The following EIF4E3 variants were observed in gnomAD, a reference collection of about 807,000 sequenced individuals.
EIF4E3 encodes eukaryotic translation initiation factor 4E family member 3.
EIF4E3 carries 26 observed loss-of-function variants against 31.7 expected under a neutral mutation model. That is an observed-to-expected ratio of 0.82 (90% confidence interval 0.60 to 1.14). EIF4E3 has a LOEUF of 1.14. Among genes scored for constraint, EIF4E3 ranks in the 50% most tolerant of loss-of-function variants. EIF4E3 has a pLI of 0.00. For synonymous variants in EIF4E3, 128 were observed against 107.7 expected (o/e 1.19, Z -1.17); for missense variants, 304 against 270.9 (o/e 1.12, Z -0.86).
At chr3:71,673,480 G>A (rs2048856672), downstream of EIF4E3, among the ~76,000 whole-genome samples, 2 of 151,910 alleles carry the variant, frequency 1.3e-5, no homozygotes, top group Admixed American at 1.3e-4. Flanking sequence ...TATTATTATT[G>A]GAGAATTTGA....
intron 1 of EIF4E3, among the ~76,000 whole-genome samples, chr3:71,723,457 C>T (rs2049581742): frequency 6.6e-6 from 1 of 152,132 alleles, no homozygotes; most frequent in Non-Finnish European, 1.5e-5. Flanking sequence ...CTTTAGAGAA[C>T]AAAAATGTGT....
At position 71,679,249 on chromosome 3, in the gene EIF4E3, C is replaced by A. The variant is rs1057435596; in HGVS notation, c.*5433G>T. 6.6e-6 allele frequency: 1 copy of A among 152,160 alleles called. No homozygotes were observed. The highest frequency in any genetic ancestry group is 1.5e-5 in the Non-Finnish European group (1 of 68,008). 9.4% of individuals were successfully genotyped at this position (152,160 alleles called of 1,614,324 possible). A position where few individuals can be genotyped will look rare whatever the true frequency, so the allele number is the denominator to read the frequency against. On this transcript the variant is annotated 3_prime_UTR_variant, in exon 7 of 7. Transcript: ENST00000425534. ...TTGTATGTGAAAAGATGAGAGGTAG[C>A]ATAAATTTTCTATAGAAAACTCAGA...
At chr3:71,705,536 T>C (rs1393652528) in intron 2 of EIF4E3, among the ~76,000 whole-genome samples, 1 of 152,190 alleles carries the variant, frequency 6.6e-6, no homozygotes, top group Non-Finnish European at 1.5e-5. Context: ...AAATAAGAAG[T>C]CAAGTTATAA....
At chr3:71,702,339 G>A (rs1446165907) in intron 2 of EIF4E3, among the ~76,000 whole-genome samples, 1 of 152,110 alleles carries the variant, frequency 6.6e-6, no homozygotes, top group Non-Finnish European at 1.5e-5. Context: ...AAAACTAAGA[G>A]GACTTTGGTG....
chr3:71,746,211 T>C (rs2049871166), intron 1 of EIF4E3, among the ~76,000 whole-genome samples: 1 of 152,246 alleles, frequency 6.6e-6, no homozygotes, highest in Non-Finnish European at 1.5e-5. Context: ...CCACAGACTA[T>C]GGTTAATTGC....
chr3:71,724,673 C>A (rs972587230), intron 1 of EIF4E3, among the ~76,000 whole-genome samples: 1 of 152,202 alleles, frequency 6.6e-6, no homozygotes, highest in African/African-American at 2.4e-5. Context: ...GAAGAGGAGT[C>A]CACGGCAGCA....
upstream of EIF4E3, among the ~76,000 whole-genome samples, chr3:71,729,766 T>C (rs182484855): frequency 1.3e-5 from 2 of 151,376 alleles, no homozygotes; most frequent in African/African-American, 4.9e-5. Flanking sequence ...ACAAAAGAAA[T>C]TCCTCTCTCT....
At chr3:71,696,644 C>G (rs569292621) in intron 3 of EIF4E3, 124 bp from the exon 4 acceptor site, 1 of 1,086,048 alleles carries the variant, frequency 9.2e-7, no homozygotes, top group Non-Finnish European at 1.3e-6. Flanking sequence ...AATAGTTGGG[C>G]ATTTTTCTTA....
At chr3:71,723,810 C>T (rs1440821543) in intron 1 of EIF4E3, among the ~76,000 whole-genome samples, 1 of 152,142 alleles carries the variant, frequency 6.6e-6, no homozygotes, top group African/African-American at 2.4e-5. Context: ...CAGTATAATG[C>T]TCTCTTAGCA....
intron 2 of EIF4E3, among the ~76,000 whole-genome samples, chr3:71,703,811 CAAAAAAAAA>C (rs370789059): frequency 5.5e-5 from 4 of 72,472 alleles, no homozygotes; most frequent in African/African-American, 1.2e-4. Context: ...AAACACACAT[CAAAAAAAAA>C]AAAAAAAAAA....
intron 3 of EIF4E3, among the ~76,000 whole-genome samples, chr3:71,698,608 C>A (rs1318257583): frequency 1.3e-5 from 2 of 152,210 alleles, no homozygotes; most frequent in Non-Finnish European, 2.9e-5. Context: ...CCTATGAGAG[C>A]ACTGCCTCTT....
In EIF4E3 at chr3:71,693,905, C is replaced by A; in HGVS notation, c.442G>T (p.Gly148Trp). Reference protein sequence around the residue: ...VWKELLLATIGEQFTDCAAAD... With the variant: ...VWKELLLATIWEQFTDCAAAD... ...GCGGCACAGTCTGTGAACTGTTCCC[C>A]GATGGTTGCTAACAGCAACTCTTTC... Residue 148 changes from glycine (G) to tryptophan (W), a missense_variant, in exon 5 of 7, where the codon GGG (glycine) becomes TGG (tryptophan). Gly to Trp is a radical substitution (Grantham distance 184, BLOSUM62 -2). Coordinates refer to ENST00000425534, the MANE Select transcript of EIF4E3 (RefSeq NM_001134651.2). 1 of 1,585,696 alleles carries A rather than the reference C, an allele frequency of 6.3e-7. No homozygotes were observed. Among genetic ancestry groups the A allele is most frequent in the East Asian group, 2.3e-5 (1 of 44,114 alleles).
the EIF4E3 span, among the ~76,000 whole-genome samples, chr3:71,664,386 C>T: frequency 6.6e-6 from 1 of 152,002 alleles, no homozygotes; most frequent in South Asian, 2.1e-4. Context: ...ATCAATGCCT[C>T]CATTTTTTTT....
intron 2 of EIF4E3, among the ~76,000 whole-genome samples, chr3:71,700,612 TAAAAAAAAAA>T (rs377334249): frequency 1.6e-5 from 2 of 127,340 alleles, no homozygotes; most frequent in Non-Finnish European, 3.2e-5. Context: ...AGACTCCGTT[TAAAAAAAAAA>T]AAAAAAAAAA....
intron 1 of EIF4E3, among the ~76,000 whole-genome samples, chr3:71,746,349 T>C (rs965978310): frequency 2.6e-5 from 4 of 152,258 alleles, no homozygotes; most frequent in African/African-American, 9.6e-5. Context: ...TTCTAGTGGC[T>C]GTGCTGTAAT....
rs1389479064 is a variant in EIF4E3, at chr3:71,681,242, T to C, written c.*3440A>G. ...TTTTTATAAAAGCTTAAGAGCAAAA[T>C]GCAGTAGGATCTTAAAAAAATTCTA... On this transcript the variant is annotated 3_prime_UTR_variant, in exon 7 of 7. Coordinates refer to ENST00000425534, the MANE Select transcript of EIF4E3 (RefSeq NM_001134651.2). The C allele has an allele frequency of 6.6e-6, 1 of 152,222 alleles. No homozygotes were observed. The highest frequency in any genetic ancestry group is 2.4e-5 in the African/African-American group (1 of 41,460). 9.4% of individuals were successfully genotyped at this position (152,222 alleles called of 1,614,324 possible).
chr3:71,694,331 C>CA (rs1187440452), intron 4 of EIF4E3, among the ~76,000 whole-genome samples: 2 of 152,182 alleles, frequency 1.3e-5, no homozygotes, highest in African/African-American at 2.4e-5. Context: ...TCTTTCTCTT[C>CA]AAAATCCTTT....
intron 1 of EIF4E3, among the ~76,000 whole-genome samples, chr3:71,724,603 G>C (rs2049601646): frequency 6.6e-6 from 1 of 152,216 alleles, no homozygotes; most frequent in Non-Finnish European, 1.5e-5. Context: ...GCGCATAGCA[G>C]GTGTGTGGCT....
chr3:71,663,808 A>G, the EIF4E3 span, among the ~76,000 whole-genome samples: 2 of 152,220 alleles, frequency 1.3e-5, no homozygotes, highest in Non-Finnish European at 2.9e-5. Flanking sequence ...ACCTGAGTGA[A>G]TATCATGGTG....
Sources: gnomAD v4.1 joint callset for allele counts (sites outside exome capture counted in the v4.1 genomes callset) on GRCh38, gnomAD v4.1.1 for gene constraint, MANE v1.5 for transcripts, NCBI Gene and HGNC (gene_info 2026-07-23, HGNC 2026-07-21) for gene names.